GRM8: variants seen among roughly 807,000 people sequenced by gnomAD.
GRM8 encodes the protein metabotropic glutamate receptor 8.
Under a neutral mutation model 87.2 loss-of-function variants are expected in GRM8, and 47 were observed. The observed-to-expected ratio is 0.54, with a 90% confidence interval of 0.43 to 0.69. The LOEUF (loss-of-function observed/expected upper bound fraction) is 0.69. Among genes scored for constraint, GRM8 ranks in the 30% least tolerant of loss-of-function variants. The pLI is 0.00. For synonymous variants in GRM8, 396 were observed against 404.5 expected (o/e 0.98, Z 0.25); for missense variants, 1,019 against 1,139.2 (o/e 0.89, Z 1.52).
At chr7:126,884,666 A>T (rs1800325850) in intron 6 of GRM8, among the ~76,000 whole-genome samples, 1 of 152,168 alleles carries the variant, frequency 6.6e-6, no homozygotes, top group African/African-American at 2.4e-5. Context: ...CCTACCTTGA[A>T]GTATTTTTTA....
chr7:127,144,874 G>A (rs919995984), intron 2 of GRM8, among the ~76,000 whole-genome samples: 3 of 151,932 alleles, frequency 2.0e-5, no homozygotes, highest in African/African-American at 4.8e-5. Context: ...TCCTTTCTGC[G>A]GTTAAAGTGC....
intron 3 of GRM8, among the ~76,000 whole-genome samples, chr7:126,926,256 T>TA (rs1441076018): frequency 6.6e-6 from 1 of 152,228 alleles, no homozygotes; most frequent in African/African-American, 2.4e-5. Flanking sequence ...TAAAAGACTA[T>TA]AGATATTATT....
intron 3 of GRM8, among the ~76,000 whole-genome samples, chr7:127,038,764 G>A (rs1485554225): frequency 2.0e-5 from 3 of 152,152 alleles, no homozygotes; most frequent in South Asian, 4.1e-4. Flanking sequence ...TGCTAAAATG[G>A]AGTGGTAGGT....
At chr7:126,634,839 T>C (rs1181696894) in intron 7 of GRM8, among the ~76,000 whole-genome samples, 1 of 152,196 alleles carries the variant, frequency 6.6e-6, no homozygotes, top group Non-Finnish European at 1.5e-5. Flanking sequence ...TGATTTTATC[T>C]CCAAAGCAGT....
chr7:127,123,877 T>C (rs999176343), intron 2 of GRM8, among the ~76,000 whole-genome samples: 7 of 140,248 alleles, frequency 5.0e-5, no homozygotes. Flanking sequence ...CCCTTCCTTC[T>C]TCCTTTCCCT....
chr7:126,723,456 G>A (rs570962948), intron 7 of GRM8, among the ~76,000 whole-genome samples: 31 of 151,924 alleles, frequency 2.0e-4, no homozygotes, highest in African/African-American at 7.0e-4. Context: ...GAATGAATAA[G>A]CCAAGAATTA....
At chr7:126,486,412 T>C (rs529796492) in intron 9 of GRM8, among the ~76,000 whole-genome samples, 1 of 152,156 alleles carries the variant, frequency 6.6e-6, no homozygotes, top group South Asian at 2.1e-4. Context: ...CTCAAACCTG[T>C]TGAATATGTT....
chr7:127,022,771 T>C (rs1816402677), intron 3 of GRM8, among the ~76,000 whole-genome samples: 1 of 152,124 alleles, frequency 6.6e-6, no homozygotes, highest in Non-Finnish European at 1.5e-5. Flanking sequence ...ACATTTTGTT[T>C]CACCAATCAC....
At chr7:126,659,537 T>C (rs1275914807) in intron 7 of GRM8, among the ~76,000 whole-genome samples, 2 of 152,240 alleles carry the variant, frequency 1.3e-5, no homozygotes, top group African/African-American at 4.8e-5. Context: ...GCCTTCCACT[T>C]AGAACTGATC....
chr7:126,694,382 T>C (rs1809158120), intron 7 of GRM8, among the ~76,000 whole-genome samples: 1 of 152,202 alleles, frequency 6.6e-6, no homozygotes, highest in African/African-American at 2.4e-5. Context: ...TAATAGTGCA[T>C]AGATTTTCCC....
intron 7 of GRM8, among the ~76,000 whole-genome samples, chr7:126,739,708 T>G (rs1814718595): frequency 3.5e-5 from 5 of 142,720 alleles, no homozygotes; most frequent in Non-Finnish European, 7.9e-5. Context: ...TGTTTATAAC[T>G]CTGATTTAAC....
intron 8 of GRM8, among the ~76,000 whole-genome samples, chr7:126,601,177 C>A (rs1266688062): frequency 6.7e-6 from 1 of 150,016 alleles, no homozygotes; most frequent in South Asian, 2.1e-4. Context: ...TGAGAATATG[C>A]GGTGTTTGGT....
chr7:127,067,372 A>G (rs1415409386), intron 3 of GRM8, among the ~76,000 whole-genome samples: 2 of 152,194 alleles, frequency 1.3e-5, no homozygotes, highest in South Asian at 2.1e-4. Context: ...CTTTTTTTAA[A>G]TGATTCCTGC....
intron 2 of GRM8, among the ~76,000 whole-genome samples, chr7:127,178,920 CA>C (rs1401498396): frequency 1.3e-5 from 2 of 151,966 alleles, no homozygotes; most frequent in African/African-American, 4.8e-5. Context: ...ACCTATAAAA[CA>C]AAAATACATG....
chr7:126,812,660 C>T (rs775277175), intron 6 of GRM8, among the ~76,000 whole-genome samples: 1 of 151,978 alleles, frequency 6.6e-6, no homozygotes, highest in Admixed American at 6.6e-5. Context: ...TAGGAGGAGT[C>T]CTGAAACTAA....
chr7:126,630,159 A>G (rs547277016), intron 7 of GRM8, among the ~76,000 whole-genome samples: 1 of 152,080 alleles, frequency 6.6e-6, no homozygotes, highest in Non-Finnish European at 1.5e-5. Context: ...GCCTCCAAAG[A>G]TTTAGAACAA....
rs1187496100 is a variant in GRM8 at position 126,612,094 on chromosome 7, GCTAAT to G, written c.1358-2601_1358-2597del. ...CTCACATTTCTCAGTTATATAGTGG[GCTAAT>G]AGCAATTCCCACCTCAGAGGGATAT... On this transcript the variant is annotated intron_variant, in intron 7 of 10. Coordinates refer to ENST00000339582, the MANE Select transcript of GRM8 (RefSeq NM_000845.3). 3.9e-5 allele frequency among the ~76,000 whole-genome samples: 6 copies of G among 152,204 alleles called. No individual in the cohort carries two copies. In the East Asian group the frequency reaches 1.2e-3, roughly 29 times the overall value.
At chr7:127,208,599 T>A (rs1445915611) in intron 2 of GRM8, among the ~76,000 whole-genome samples, 2 of 152,226 alleles carry the variant, frequency 1.3e-5, no homozygotes, top group African/African-American at 4.8e-5. Flanking sequence ...CTAGAGCCGG[T>A]CTCTGCCATG....
intron 7 of GRM8, among the ~76,000 whole-genome samples, chr7:126,756,639 A>C (rs1237572462): frequency 6.6e-6 from 1 of 152,130 alleles, no homozygotes; most frequent in Non-Finnish European, 1.5e-5. Flanking sequence ...TATATCAGTA[A>C]CTGAAAGAGG....
Sources: gnomAD v4.1 joint callset for allele counts (sites outside exome capture counted in the v4.1 genomes callset) on GRCh38, gnomAD v4.1.1 for gene constraint, MANE v1.5 for transcripts, NCBI Gene and HGNC (gene_info 2026-07-23, HGNC 2026-07-21) for gene names.